PEX14: variants seen among roughly 807,000 people sequenced by gnomAD.
PEX14 encodes the protein peroxisomal biogenesis factor 14, also known as peroxisomal membrane protein PEX14.
In PEX14, 15 loss-of-function variants were observed where a neutral mutation model predicts 49.5. That is an observed-to-expected ratio of 0.30 (90% CI 0.20 to 0.47). PEX14 has a LOEUF of 0.47. PEX14 is among the 20% of genes least tolerant of loss of function. The probability of loss-of-function intolerance (pLI) is 1.00; values close to 1 mark genes in which losing one functional copy is unlikely to be tolerated. For synonymous variants in PEX14, 210 were observed against 212.7 expected (o/e 0.99, Z 0.11); for missense variants, 398 against 494.8 (o/e 0.80, Z 1.86).
At chr1:10,555,313 G>A (rs1460179564) in intron 3 of PEX14, among the ~76,000 whole-genome samples, 1 of 151,914 alleles carries the variant, frequency 6.6e-6, no homozygotes, top group South Asian at 2.1e-4. Flanking sequence ...ACTCACTTCT[G>A]GTGACTCTTC....
At chr1:10,491,244 TAAAA>T (rs200303853) in intron 1 of PEX14, among the ~76,000 whole-genome samples, 1 of 151,340 alleles carries the variant, frequency 6.6e-6, no homozygotes, top group Non-Finnish European at 1.5e-5. Flanking sequence ...ATTAAAAAAA[TAAAA>T]AAAAGGCCAG....
chr1:10,577,423 C>T (rs1447502718), intron 3 of PEX14, among the ~76,000 whole-genome samples: 4 of 60,308 alleles, frequency 6.6e-5, no homozygotes, highest in Admixed American at 3.3e-4. Flanking sequence ...AAAAAAAAAA[C>T]CAAAAAACAA....
chr1:10,587,387 G>A (rs891466928), intron 3 of PEX14, among the ~76,000 whole-genome samples: 6 of 152,038 alleles, frequency 3.9e-5, no homozygotes, highest in African/African-American at 1.2e-4. Context: ...CCTGGGAGGC[G>A]GAGGTTACAG....
rs889517723 is a variant in PEX14, at chr1:10,623,232, C to A, written c.487+111C>A. 5 of 739,992 alleles carry A rather than the reference C, an allele frequency of 6.8e-6. No individual in the cohort carries two copies. In the African/African-American group the frequency reaches 8.6e-5, roughly 13 times the overall value. The allele number at this position is 739,992 out of a possible 1,614,324, so 45.8% of individuals were successfully genotyped here. ...CACTCTATGTGGTGACTTCATTTAT[C>A]TGCTCTGAGAATCTGTTCACATTTG... On this transcript the variant is annotated intron_variant, in intron 6 of 8. Coordinates refer to ENST00000356607, the MANE Select transcript of PEX14 (RefSeq NM_004565.3). This position sits in a 1 kb window ranked among gnomAD's most constrained non-coding sequence, Gnocchi z 4.4.
At position 10,623,651 on chromosome 1, in the gene PEX14, A is replaced by C. The variant is rs887767086; in HGVS notation, c.487+530A>C. 6.6e-6 allele frequency among the ~76,000 whole-genome samples: 1 copy of C among 152,234 alleles called. No individual in the cohort carries two copies. The highest frequency in any genetic ancestry group is 1.5e-5 in the Non-Finnish European group (1 of 68,036). ...GCTTCTCTTCTTTATAAACTTGTTT[A>C]CTAGACGGCAGCTCTGAATCTAAAA... is the stretch of plus-strand genomic sequence containing the variant. On this transcript the variant is annotated intron_variant, in intron 6 of 8. Coordinates refer to ENST00000356607, the MANE Select transcript of PEX14 (RefSeq NM_004565.3). The surrounding 1 kb of genome is among the most constrained non-coding windows in gnomAD (Gnocchi z 4.4).
intron 3 of PEX14, among the ~76,000 whole-genome samples, chr1:10,584,083 T>G (rs1640410765): frequency 6.6e-6 from 1 of 151,760 alleles, no homozygotes; most frequent in Non-Finnish European, 1.5e-5. Flanking sequence ...GGGAGACTAG[T>G]CTAGTGTTGA....
In PEX14 at chr1:10,514,018, C is replaced by T. The variant is rs1211510391; in HGVS notation, c.84+18697C>T. On this transcript the variant is annotated intron_variant, in intron 2 of 8. Coordinates refer to ENST00000356607, the MANE Select transcript of PEX14 (RefSeq NM_004565.3). This position sits in a 1 kb window ranked among gnomAD's most constrained non-coding sequence, Gnocchi z 4.4. ...TCCTCACTAGAGTGAGCTCCGCTCC[C>T]TGTAATTATTTAACATTATATGCTG... Among the ~76,000 whole-genome samples, 2 of 151,606 alleles carry T rather than the reference C, an allele frequency of 1.3e-5. No homozygotes were observed. The highest frequency in any genetic ancestry group is 2.9e-5 in the Non-Finnish European group (2 of 67,998).
At chr1:10,490,241 T>G (rs2124391210) in intron 1 of PEX14, among the ~76,000 whole-genome samples, 1 of 152,172 alleles carries the variant, frequency 6.6e-6, no homozygotes, top group South Asian at 2.1e-4. Flanking sequence ...ATCTTATTCT[T>G]CCCAGCAGAG....
At chr1:10,520,527 A>T (rs533019471) in intron 2 of PEX14, among the ~76,000 whole-genome samples, 1 of 152,074 alleles carries the variant, frequency 6.6e-6, no homozygotes, top group Admixed American at 6.5e-5. Flanking sequence ...ATATTAACAT[A>T]AAGATAAATT....
chr1:10,503,621 A>G (rs1345255629), intron 2 of PEX14, among the ~76,000 whole-genome samples: 1 of 150,632 alleles, frequency 6.6e-6, no homozygotes, highest in African/African-American at 2.4e-5. Flanking sequence ...TAGGTATTCC[A>G]TGCGGCAAAC....
chr1:10,572,176 C>G (rs1163851541), intron 3 of PEX14, among the ~76,000 whole-genome samples: 1 of 152,026 alleles, frequency 6.6e-6, no homozygotes, highest in Non-Finnish European at 1.5e-5. Context: ...ACTGACCTAT[C>G]TCCCTGACGT....
chr1:10,629,692 G>T lies in PEX14; in HGVS notation c.839G>T (p.Gly280Val). The change falls in exon 9 of 9, where the codon GGC becomes GTC. Residue 280 changes from glycine (G) to valine (V), a missense_variant. Gly to Val is a moderately radical substitution (Grantham distance 109). Around this residue, in one of 3 missense-constraint regions of PEX14, gnomAD observed 140 missense variants for 155.5 expected, o/e 0.90. Transcript: ENST00000356607. This position sits in a 1 kb window ranked among gnomAD's most constrained non-coding sequence, Gnocchi z 8.5. The stretch of plus-strand genomic sequence containing the variant: ...ACGTCGTCCTCGCCTGGGAAGGAGG[G>T]CCACAGCCCCGAGGGCTCCACGGTC... ...ESTSSSPGKE[G>V]HSPEGSTVTY... is the part of the protein sequence containing the mutation. The T allele has an allele frequency of 6.2e-7, 1 of 1,612,926 alleles. No individual in the cohort carries two copies. Among genetic ancestry groups the T allele is most frequent in the Non-Finnish European group, 8.5e-7 (1 of 1,179,534 alleles).
intron 3 of PEX14, among the ~76,000 whole-genome samples, chr1:10,589,052 T>A (rs1029372236): frequency 6.6e-6 from 1 of 152,214 alleles, no homozygotes; most frequent in Non-Finnish European, 1.5e-5. Flanking sequence ...CCCTTTTATA[T>A]CTTTAGAATT....
intron 3 of PEX14, among the ~76,000 whole-genome samples, chr1:10,557,453 G>C (rs1322341215): frequency 6.6e-6 from 1 of 152,168 alleles, no homozygotes; most frequent in Non-Finnish European, 1.5e-5. Flanking sequence ...AGCTGTGGTG[G>C]CGGGCGCCTG....
intron 1 of PEX14, among the ~76,000 whole-genome samples, chr1:10,479,012 A>G (rs1207068737): frequency 6.6e-6 from 1 of 151,612 alleles, no homozygotes; most frequent in African/African-American, 2.4e-5. Flanking sequence ...CGGCCTCCCA[A>G]AGTGCTGGGA....
chr1:10,593,478 A>T (rs968089020), intron 3 of PEX14, among the ~76,000 whole-genome samples: 1 of 152,194 alleles, frequency 6.6e-6, no homozygotes, highest in East Asian at 1.9e-4. Flanking sequence ...TTGAATTTAC[A>T]TATCAATATT....
At chr1:10,573,163 A>G (rs1049696952) in intron 3 of PEX14, among the ~76,000 whole-genome samples, 9 of 152,372 alleles carry the variant, frequency 5.9e-5, no homozygotes, top group Admixed American at 5.2e-4. Flanking sequence ...TGTGCAGTCC[A>G]TCGTTAACTG....
intron 1 of PEX14, among the ~76,000 whole-genome samples, chr1:10,488,165 C>T (rs1641404847): frequency 6.6e-6 from 1 of 151,760 alleles, no homozygotes; most frequent in Non-Finnish European, 1.5e-5. Context: ...TTTATTTTTT[C>T]CAGAGTCAGT....
In PEX14 at chr1:10,539,300, C is replaced by T. The variant is rs1018493540; in HGVS notation, c.169+3003C>T. ...TTGTTTTTTGTTTTGAGATCTCTTT[C>T]GGATGCTTTAAAATCTGAACATGGA... On this transcript the variant is annotated intron_variant, in intron 3 of 8. Transcript: ENST00000356607. The surrounding 1 kb of genome is among the most constrained non-coding windows in gnomAD (Gnocchi z 4.6). Among the ~76,000 whole-genome samples, 3 of 151,936 alleles carry T rather than the reference C, an allele frequency of 2.0e-5. No individual in the cohort carries two copies. The highest frequency in any genetic ancestry group is 1.3e-4 in the Admixed American group (2 of 15,260).
Sources: allele counts gnomAD v4.1 joint callset (sites outside exome capture counted in the v4.1 genomes callset), GRCh38; gene constraint gnomAD v4.1.1; regional missense constraint gnomAD v4.1.1; non-coding constraint Gnocchi (gnomAD v3.1); transcripts MANE v1.5; gene names NCBI Gene and HGNC (gene_info 2026-07-23, HGNC 2026-07-21).